Variants in LARS2 observed in about 807,000 individuals in gnomAD.
The protein encoded by LARS2 is leucyl-tRNA synthetase 2, mitochondrial.
A neutral mutation model predicts 116.6 loss-of-function variants in LARS2; 81 were observed. The observed-to-expected ratio is 0.69, with a 90% confidence interval of 0.58 to 0.84. The LOEUF (loss-of-function observed/expected upper bound fraction) is 0.84, where lower values mean the gene tolerates loss of function less well. Ranked by LOEUF, LARS2 falls within the 40% of genes least tolerant of loss-of-function variation. The probability of loss-of-function intolerance (pLI) is 0.00; values close to 1 mark genes in which losing one functional copy is unlikely to be tolerated. For synonymous variants in LARS2, 396 were observed against 407.2 expected (o/e 0.97, Z 0.33); for missense variants, 968 against 1,114.5 (o/e 0.87, Z 1.87).
chr3:45,407,722 G>A (rs1389484264), intron 4 of LARS2, among the ~76,000 whole-genome samples: 2 of 151,890 alleles, frequency 1.3e-5, no homozygotes, highest in Admixed American at 6.6e-5. Context: ...TCAATTAGAA[G>A]CTGAATTGGT....
intron 6 of LARS2, among the ~76,000 whole-genome samples, chr3:45,445,117 A>C (rs1437327091): frequency 1.3e-5 from 2 of 152,166 alleles, no homozygotes; most frequent in Non-Finnish European, 2.9e-5. Flanking sequence ...TAATAATTTG[A>C]ATTTTGTGGT....
intron 1 of LARS2, among the ~76,000 whole-genome samples, chr3:45,390,896 T>C (rs1389958899): frequency 6.6e-6 from 1 of 152,050 alleles, no homozygotes; most frequent in East Asian, 2.0e-4. Context: ...CGCCTCGGCC[T>C]CCCAAAATGC....
chr3:45,536,734 T>A (rs1700712182), intron 20 of LARS2, among the ~76,000 whole-genome samples: 1 of 152,256 alleles, frequency 6.6e-6, no homozygotes, highest in South Asian at 2.1e-4. Context: ...TATACGTGTT[T>A]TGTAAAGCAT....
rs144799555 is a variant in LARS2 at position 45,413,333 on chromosome 3, A to G, written c.364-4149A>G. Among the ~76,000 whole-genome samples, 383 of 152,378 alleles carry G rather than the reference A, an allele frequency of 2.5e-3. 4 individuals are homozygous for G. Among genetic ancestry groups the G allele is most frequent in the African/African-American group, 7.7e-3 (319 of 41,592 alleles). On this transcript the variant is annotated intron_variant, in intron 4 of 21. Coordinates refer to ENST00000645846, the MANE Select transcript of LARS2 (RefSeq NM_015340.4). ...GATGTGCGATGCTGTGAGATGCTAA[A>G]GATCAAGAAAGCAGACAGCTGCAGC...
intron 8 of LARS2, among the ~76,000 whole-genome samples, chr3:45,472,941 C>T (rs1457666415): frequency 6.6e-6 from 1 of 152,248 alleles, no homozygotes; most frequent in Non-Finnish European, 1.5e-5. Context: ...CTTCCCTTCC[C>T]AGATGCCTGG....
intron 8 of LARS2, among the ~76,000 whole-genome samples, chr3:45,473,320 T>G (rs2125717696): frequency 6.6e-6 from 1 of 152,310 alleles, no homozygotes; most frequent in South Asian, 2.1e-4. Flanking sequence ...ATAGTTTGCA[T>G]AGATAGATGA....
rs372846870 is a variant in LARS2 at position 45,480,739 on chromosome 3, G to A, written c.1018+4112G>A. Reference sequence around the variant, plus strand: ...CAGGTATAGCATGCGAGCTGCTACCGTGCATTCATTGCAAATCTGCTAATA... The same window carrying A: ...CAGGTATAGCATGCGAGCTGCTACCATGCATTCATTGCAAATCTGCTAATA... On this transcript the variant is annotated intron_variant, in intron 10 of 21. Transcript: ENST00000645846. Among the ~76,000 whole-genome samples, 380 of 152,286 alleles carry A rather than the reference G, an allele frequency of 2.5e-3. 12 individuals carry two copies. The South Asian group carries it at 0.07, about 28-fold the overall frequency.
At chr3:45,485,559 G>T (rs955202276) in intron 10 of LARS2, 133 bp from the exon 11 acceptor site, 3 of 565,102 alleles carry the variant, frequency 5.3e-6, no homozygotes, top group Non-Finnish European at 9.6e-6. Context: ...CCCTTCAAAG[G>T]ACAACTTATT....
At chr3:45,517,662 G>A (rs1022950928) in intron 17 of LARS2, among the ~76,000 whole-genome samples, 1 of 152,224 alleles carries the variant, frequency 6.6e-6, no homozygotes, top group African/African-American at 2.4e-5. Flanking sequence ...GTGGCACTTT[G>A]AGTGGCCCTG....
rs2291237 is a variant in LARS2, at chr3:45,513,552, C to A, written c.1861+317C>A. ...ATCCCAGACCATCTTTGAAAGCCCA[C>A]CTCAGGGATAGAGCCCCCAGGCCCA... On this transcript the variant is annotated intron_variant, in intron 16 of 21. Coordinates refer to ENST00000645846, the MANE Select transcript of LARS2 (RefSeq NM_015340.4). Among the ~76,000 whole-genome samples, 78,322 of 152,084 alleles carry A rather than the reference C, an allele frequency of 0.51. 24,061 individuals carry two copies. The highest frequency in any genetic ancestry group is 0.78 in the East Asian group (4,027 of 5,164).
At chr3:45,546,880 C>A (rs1291339573) in intron 21 of LARS2, among the ~76,000 whole-genome samples, 1 of 152,284 alleles carries the variant, frequency 6.6e-6, no homozygotes, top group East Asian at 1.9e-4. Context: ...GACTGTGTCC[C>A]CCTTGAAACC....
intron 6 of LARS2, among the ~76,000 whole-genome samples, chr3:45,433,586 A>C (rs971394029): frequency 1.3e-5 from 2 of 152,134 alleles, no homozygotes; most frequent in African/African-American, 4.8e-5. Context: ...ATACATTGAA[A>C]TCCACATAGA....
intron 14 of LARS2, 101 bp from the exon 15 acceptor site, chr3:45,500,341 A>T: frequency 1.8e-6 from 2 of 1,121,772 alleles, no homozygotes; most frequent in Non-Finnish European, 2.6e-6. Flanking sequence ...ATTCCCTGAT[A>T]CGGTTCATTT....
chr3:45,500,982 T>A (rs1462018287), intron 15 of LARS2, among the ~76,000 whole-genome samples: 1 of 151,730 alleles, frequency 6.6e-6, no homozygotes, highest in African/African-American at 2.4e-5. Context: ...ATGTATAGAG[T>A]GGATTTGAAA....
chr3:45,441,337 A>C (rs1020143732), intron 6 of LARS2, among the ~76,000 whole-genome samples: 1 of 152,166 alleles, frequency 6.6e-6, no homozygotes, highest in African/African-American at 2.4e-5. Flanking sequence ...TCACACACTG[A>C]GTAAAGCCAA....
Position 45,518,064 on chromosome 3 carries a change from A to G in LARS2, c.2206A>G (p.Ile736Val). 1 of 1,611,996 alleles carries G rather than the reference A, an allele frequency of 6.2e-7. No individual in the cohort carries two copies. ...RKLWEYKNSVISQVTTHFTED... is the reference protein window; with the variant it reads ...RKLWEYKNSVVSQVTTHFTED... The stretch of plus-strand genomic sequence containing the variant: ...GCTCTGGGAGTACAAGAACTCCGTC[A>G]TCTCTCAGGTCAGAAACTCTCCAAT... Residue 736 changes from isoleucine (I) to valine (V), a missense_variant, in exon 18 of 22, where the codon ATC becomes GTC. Ile to Val is a conservative substitution (Grantham distance 29). Coordinates refer to ENST00000645846, the MANE Select transcript of LARS2 (RefSeq NM_015340.4).
intron 16 of LARS2, 28 bp from the exon 17 acceptor site, chr3:45,516,066 C>T (rs1318401877): frequency 1.9e-6 from 3 of 1,594,320 alleles, no homozygotes; most frequent in African/African-American, 1.3e-5. Context: ...TGACACATAC[C>T]ATACCTATGG....
chr3:45,410,771 T>C (rs1698319107), intron 4 of LARS2, among the ~76,000 whole-genome samples: 1 of 152,228 alleles, frequency 6.6e-6, no homozygotes, highest in African/African-American at 2.4e-5. Context: ...CGTTCCGCCT[T>C]ACTCTGTACA....
intron 16 of LARS2, among the ~76,000 whole-genome samples, chr3:45,513,658 C>T (rs927350038): frequency 6.6e-6 from 1 of 152,090 alleles, no homozygotes; most frequent in African/African-American, 2.4e-5. Context: ...CCTTGGGGGG[C>T]AGCACTCGGT....
Sources: allele counts gnomAD v4.1 joint callset (sites outside exome capture counted in the v4.1 genomes callset), GRCh38; gene constraint gnomAD v4.1.1; transcripts MANE v1.5; gene names NCBI Gene and HGNC (gene_info 2026-07-23, HGNC 2026-07-21).